Variants in BSCL2 observed in about 807,000 individuals in gnomAD.
BSCL2 encodes seipin.
A neutral mutation model predicts 57.4 loss-of-function variants in BSCL2; 41 were observed. The ratio of observed to expected loss-of-function variants is 0.71; its 90% CI spans 0.56 to 0.93. The LOEUF (loss-of-function observed/expected upper bound fraction) is 0.93, where lower values mean the gene tolerates loss of function less well. Ranked by LOEUF, BSCL2 falls within the 40% of genes least tolerant of loss-of-function variation. BSCL2 has a pLI of 0.00. For synonymous variants in BSCL2, 237 were observed against 227.3 expected (o/e 1.04, Z -0.38); for missense variants, 539 against 586.7 (o/e 0.92, Z 0.84).
At chr11:62,709,098 T>A (rs2083590205), upstream of BSCL2, 1 of 479,204 alleles carries the variant, frequency 2.1e-6, no homozygotes, top group Non-Finnish European at 4.0e-6. Flanking sequence ...CTCGGTGACC[T>A]GCTCAGACAA....
intron 4 of BSCL2, 110 bp downstream of exon 4, chr11:62,694,458 G>T: frequency 6.6e-7 from 1 of 1,520,346 alleles, no homozygotes; most frequent in Non-Finnish European, 9.1e-7. Context: ...GCCTGCCTCG[G>T]CCTCCCAAAC....
At chr11:62,703,889 G>GC (rs1302751385) in intron 2 of BSCL2, among the ~76,000 whole-genome samples, 30 of 149,730 alleles carry the variant, frequency 2.0e-4, no homozygotes, top group East Asian at 8.2e-4. Context: ...GGAGGCCAAG[G>GC]GGGTGGATCA....
rs755290954 is a variant in BSCL2, at chr11:62,690,650, A to C, written c.1196T>G (p.Leu399Arg). The change falls in exon 10 of 11, where the codon CTG (leucine) becomes CGG (arginine). Residue 399 changes from leucine to arginine, a missense_variant. Leu to Arg is a moderately radical substitution (Grantham distance 102). This residue lies in a region of BSCL2 where 248 missense variants were observed against 239.9 expected (regional missense o/e 1.03). Coordinates refer to ENST00000360796, the MANE Select transcript of BSCL2 (RefSeq NM_001122955.4). ...AGGCTCTAGCTCCTCTTCTCCGCTC[A>C]GGGGCTGCTGATCTGGTTTCTCCTC... ...SEEEKPDQQP[L>R]SGEEELEPEA... The C allele has an allele frequency of 1.2e-6, 2 of 1,613,804 alleles. No individual in the cohort carries two copies. Among genetic ancestry groups the C allele is most frequent in the African/African-American group, 2.7e-5 (2 of 74,940 alleles).
At position 62,707,367 on chromosome 11, in the gene BSCL2, A is replaced by G. The variant is rs79848597; in HGVS notation, c.-172T>C. 8,304 of 724,688 alleles carry G rather than the reference A, an allele frequency of 0.011. 454 individuals are homozygous for G. The African/African-American group carries it at 0.13, about 11-fold the overall frequency. The allele number at this position is 724,688 out of a possible 1,614,324, so 44.9% of individuals were successfully genotyped here. On this transcript the variant is annotated 5_prime_UTR_variant, in exon 1 of 11. Coordinates refer to ENST00000360796, the MANE Select transcript of BSCL2 (RefSeq NM_001122955.4). ...ATTCAGGTGCTAAGTGCTGTGTCAG[A>G]GTAGAGGGAGGAAAGGAGGAGGGGG...
chr11:62,707,083 C>T (rs983973824), intron 1 of BSCL2, 26 bp downstream of exon 1: 34 of 1,544,822 alleles, frequency 2.2e-5, no homozygotes, highest in Admixed American at 5.9e-5. Flanking sequence ...TATATTTCTG[C>T]TGACTGTCCC....
upstream of BSCL2, chr11:62,707,501 G>A (rs545513606): frequency 1.4e-5 from 9 of 638,178 alleles, no homozygotes; most frequent in Non-Finnish European, 2.3e-5. Flanking sequence ...TTTGAGAGGG[G>A]GAGTCGGCCT....
In BSCL2 at chr11:62,692,523, G is replaced by A. The variant is rs766453990; in HGVS notation, c.766-50C>T. 34 of 1,609,808 alleles carry A rather than the reference G, an allele frequency of 2.1e-5. 1 individual carries two copies. The East Asian group carries it at 7.6e-4, about 36-fold the overall frequency. On this transcript the variant is annotated intron_variant, in intron 5 of 10. Transcript: ENST00000360796. ...GCGTCAGGCCAGGGTCCTGCCGCTAGCACTCTTACCCGCCTCATCTGAGCC... is the reference window on the plus strand; with the variant it reads ...GCGTCAGGCCAGGGTCCTGCCGCTAACACTCTTACCCGCCTCATCTGAGCC...
intron 3 of BSCL2, among the ~76,000 whole-genome samples, chr11:62,701,464 G>A (rs1195273510): frequency 1.3e-5 from 2 of 152,170 alleles, no homozygotes; most frequent in South Asian, 2.1e-4. Flanking sequence ...ACCTATAGTT[G>A]ATTACAATCA....
At chr11:62,708,937 C>A, upstream of BSCL2, 1 of 744,172 alleles carries the variant, frequency 1.3e-6, no homozygotes, top group South Asian at 1.6e-5. Flanking sequence ...GTGAGGTTAT[C>A]TGAAGCACAA....
chr11:62,705,915 C>A, intron 1 of BSCL2: 1 of 383,102 alleles, frequency 2.6e-6, no homozygotes, highest in South Asian at 4.4e-5. Flanking sequence ...AGAATAAGCA[C>A]CTTACGATTC....
intron 3 of BSCL2, chr11:62,697,708 C>T (rs1332981237): frequency 1.3e-5 from 2 of 149,788 alleles, no homozygotes; most frequent in Non-Finnish European, 3.0e-5. Flanking sequence ...GCAAGAGAAT[C>T]ACTTGAAGCC....
intron 3 of BSCL2, among the ~76,000 whole-genome samples, chr11:62,701,844 AAAG>A (rs1414451540): frequency 2.6e-5 from 4 of 151,694 alleles, no homozygotes; most frequent in Admixed American, 1.3e-4. Context: ...AAAAAAAAAA[AAAG>A]AAAGAGAGTG....
intron 2 of BSCL2, 131 bp downstream of exon 2, chr11:62,705,170 G>A (rs1179212740): frequency 2.0e-6 from 2 of 1,003,306 alleles, no homozygotes; most frequent in African/African-American, 1.6e-5. Flanking sequence ...GGCTGTGAAA[G>A]TTGAGAGGCC....
At position 62,701,975 on chromosome 11, in the gene BSCL2, T is replaced by G. The variant is rs76060480; in HGVS notation, c.486+493A>C. On this transcript the variant is annotated intron_variant, in intron 3 of 10. Coordinates refer to ENST00000360796, the MANE Select transcript of BSCL2 (RefSeq NM_001122955.4). ...GAATTACCGTAAGTCAGGGACTATG[T>G]TGAGAAAGAACATTTCTAACACCTG... Among the ~76,000 whole-genome samples, 1,332 of 152,306 alleles carry G rather than the reference T, an allele frequency of 8.7e-3. 13 individuals are homozygous for G. Among genetic ancestry groups the G allele is most frequent in the African/African-American group, 0.031 (1,279 of 41,552 alleles).
Position 62,705,486 on chromosome 11 carries a change from G to A in BSCL2, c.219C>T (p.Ala73=). 1.2e-6 allele frequency: 2 copies of A among 1,614,210 alleles called. No individual in the cohort carries two copies. Among genetic ancestry groups the A allele is most frequent in the Non-Finnish European group, 1.7e-6 (2 of 1,180,038 alleles). ...GGCCCACCTCCTGGGCCCACAGTAA[G>A]GCAGGTACTGGAGGGTCGTTGACCA... ...PAMVNDPPVP[A]LLWAQEVGQV... The change falls in exon 2 of 11, where the codon GCC becomes GCT. Residue 73 remains alanine (A), a synonymous_variant. Transcript: ENST00000360796.
chr11:62,702,617 C>A, intron 2 of BSCL2, 68 bp from the exon 3 acceptor site: 1 of 1,363,862 alleles, frequency 7.3e-7, no homozygotes, highest in Admixed American at 1.9e-5. Context: ...ACCTTCTTTG[C>A]CCCCTAGGGC....
intron 3 of BSCL2, among the ~76,000 whole-genome samples, chr11:62,696,995 G>A (rs893216863): frequency 6.6e-6 from 1 of 151,410 alleles, no homozygotes; most frequent in Non-Finnish European, 1.5e-5. Flanking sequence ...CTATGATTGG[G>A]CCACTGCACT....
chr11:62,706,041 G>A (rs746082658), intron 1 of BSCL2: 4 of 254,256 alleles, frequency 1.6e-5, no homozygotes, highest in Non-Finnish European at 2.7e-5. Flanking sequence ...AGTAGCCTTA[G>A]AGTAGCCACA....
At chr11:62,694,349 G>A (rs1352177785) in intron 4 of BSCL2, among the ~76,000 whole-genome samples, 1 of 149,404 alleles carries the variant, frequency 6.7e-6, no homozygotes, top group East Asian at 2.0e-4. Flanking sequence ...GACTACAGCC[G>A]TGAGCCACCA....
Sources: allele counts gnomAD v4.1 joint callset (sites outside exome capture counted in the v4.1 genomes callset), GRCh38; gene constraint gnomAD v4.1.1; regional missense constraint gnomAD v4.1.1; transcripts MANE v1.5; gene names NCBI Gene and HGNC (gene_info 2026-07-23, HGNC 2026-07-21).